PRKAR1B: variants seen among roughly 807,000 people sequenced by gnomAD.
PRKAR1B encodes the protein cAMP-dependent protein kinase type I-beta regulatory subunit.
In PRKAR1B, 22 loss-of-function variants were observed where a neutral mutation model predicts 46.5. The observed-to-expected ratio is 0.47, with a 90% CI of 0.34 to 0.68. PRKAR1B has a LOEUF of 0.68. Among genes scored for constraint, PRKAR1B ranks in the 30% least tolerant of loss-of-function variants. PRKAR1B has a pLI of 0.01. For missense variants in PRKAR1B, 445 were observed against 535.6 expected (o/e 0.83, Z 1.67); for synonymous variants, 259 against 217.7 (o/e 1.19, Z -1.67).
At chr7:589,855 C>T (rs1165861150) in intron 7 of PRKAR1B, among the ~76,000 whole-genome samples, 1 of 152,242 alleles carries the variant, frequency 6.6e-6, no homozygotes, top group Non-Finnish European at 1.5e-5. Flanking sequence ...GAGCATGCAA[C>T]GTGCCCAGGC....
chr7:680,404 C>G, intron 3 of PRKAR1B, 152 bp downstream of exon 3: 1 of 792,276 alleles, frequency 1.3e-6, no homozygotes, highest in South Asian at 2.0e-5. Flanking sequence ...CCAGAACTGC[C>G]TCTGCCATCA....
intron 4 of PRKAR1B, among the ~76,000 whole-genome samples, chr7:619,873 C>T (rs1032547981): frequency 6.6e-6 from 1 of 152,158 alleles, no homozygotes; most frequent in African/African-American, 2.4e-5. Context: ...TTTTTAGAGA[C>T]AAGGTCTCAC....
intron 7 of PRKAR1B, among the ~76,000 whole-genome samples, chr7:587,488 T>C (rs1381754826): frequency 6.6e-6 from 1 of 152,230 alleles, no homozygotes; most frequent in Non-Finnish European, 1.5e-5. Context: ...TGGCCCCGCC[T>C]CCAGGGCCTG....
chr7:630,739 G>A (rs1436006963), intron 4 of PRKAR1B, among the ~76,000 whole-genome samples: 2 of 152,064 alleles, frequency 1.3e-5, no homozygotes, highest in Non-Finnish European at 2.9e-5. Context: ...CTCAGGACCA[G>A]GGAGACAGAC....
In PRKAR1B at chr7:711,405, C is replaced by A. The variant is rs530392908; in HGVS notation, c.101G>T (p.Cys34Phe). The change falls in exon 2 of 11, where the codon TGT becomes TTT. Residue 34 changes from cysteine to phenylalanine, a missense_variant. By Grantham distance (205) the Cys-to-Phe change is radical. This residue lies in a region of PRKAR1B where 155 missense variants were observed against 127.5 expected (regional missense o/e 1.22). Coordinates refer to ENST00000537384, the MANE Select transcript of PRKAR1B (RefSeq NM_001164760.2). ...CTTGGAGATGCAGAGGTGGACGATA[C>A]AGTCTTTGAGGACCTGCTGGATCCC... ...LHGIQQVLKD[C>F]IVHLCISKPE... The A allele has an allele frequency of 1.9e-6, 3 of 1,614,228 alleles. No homozygotes were observed. The Admixed American group carries it at 5.0e-5, about 27-fold the overall frequency.
intron 1 of PRKAR1B, among the ~76,000 whole-genome samples, chr7:724,069 G>T (rs1250352362): frequency 6.6e-6 from 1 of 152,168 alleles, no homozygotes; most frequent in Non-Finnish European, 1.5e-5. Context: ...CAAAGACCTT[G>T]TCTCCAAACA....
intron 1 of PRKAR1B, among the ~76,000 whole-genome samples, chr7:719,671 G>C (rs1056552576): frequency 6.6e-6 from 1 of 152,060 alleles, no homozygotes; most frequent in African/African-American, 2.4e-5. Flanking sequence ...CAGTGTGTCT[G>C]GGGAAAGAAG....
At chr7:592,315 GTCC>G (rs1336664117) in intron 7 of PRKAR1B, among the ~76,000 whole-genome samples, 1 of 152,230 alleles carries the variant, frequency 6.6e-6, no homozygotes, top group African/African-American at 2.4e-5. Context: ...CCTTAGCAGC[GTCC>G]TCGAGGCTAC....
intron 2 of PRKAR1B, among the ~76,000 whole-genome samples, chr7:684,528 G>A (rs1279794844): frequency 2.0e-5 from 3 of 152,170 alleles, no homozygotes; most frequent in Non-Finnish European, 2.9e-5. Flanking sequence ...ACATTCAGAC[G>A]AAGTACGCAG....
intron 8 of PRKAR1B, among the ~76,000 whole-genome samples, chr7:583,087 GGGACGGGGCTCTGTCTCGGGTGA>G (rs759637284): frequency 1.1e-4 from 16 of 152,046 alleles, no homozygotes; most frequent in Non-Finnish European, 1.9e-4. Context: ...ACGGCTCACA[GGGACGGGGCTCTGTCTCGGGTGA>G]GGACGGGGCT....
chr7:675,203 C>T (rs747158117), intron 4 of PRKAR1B, among the ~76,000 whole-genome samples: 3 of 152,220 alleles, frequency 2.0e-5, no homozygotes, highest in Non-Finnish European at 4.4e-5. Flanking sequence ...GAACGCTGTG[C>T]AGATACGCAC....
chr7:600,776 C>A (rs531841300), intron 6 of PRKAR1B, among the ~76,000 whole-genome samples: 6 of 152,180 alleles, frequency 3.9e-5, no homozygotes, highest in Non-Finnish European at 5.9e-5. Context: ...AAGAGTCGAG[C>A]CCCAAACAGG....
At chr7:679,949 G>A (rs1327648211) in intron 3 of PRKAR1B, among the ~76,000 whole-genome samples, 1 of 152,110 alleles carries the variant, frequency 6.6e-6, no homozygotes, top group Non-Finnish European at 1.5e-5. Context: ...ACAAGGTCAG[G>A]AGATTGAGAC....
rs1780635886 is a variant in PRKAR1B, at chr7:711,609, G to A, written c.-22-82C>T. The A allele has an allele frequency of 1.7e-5, 21 of 1,268,660 alleles. No homozygotes were observed. The South Asian group carries it at 2.7e-4, about 16-fold the overall frequency. 78.6% of individuals were successfully genotyped at this position (1,268,660 alleles called of 1,614,324 possible). A position where few individuals can be genotyped will look rare whatever the true frequency, so the allele number is the denominator to read the frequency against. ...GATAAACGCAGGCGGCGTGAACCAG[G>A]CTTCTCCCAGGAGCGTGGAAGAAAG... On this transcript the variant is annotated intron_variant, in intron 1 of 10. Transcript: ENST00000537384.
chr7:693,565 G>A (rs1209455619), intron 2 of PRKAR1B, among the ~76,000 whole-genome samples: 3 of 152,218 alleles, frequency 2.0e-5, no homozygotes, highest in African/African-American at 7.2e-5. Context: ...CGTCCGCGCT[G>A]TGCTGCGTGT....
chr7:588,409 T>C (rs541791258), intron 7 of PRKAR1B, among the ~76,000 whole-genome samples: 8 of 152,360 alleles, frequency 5.3e-5, no homozygotes, highest in African/African-American at 1.4e-4. Context: ...CTGCTAATGG[T>C]GATGGTGGTG....
At chr7:617,878 T>C (rs893699706) in intron 4 of PRKAR1B, among the ~76,000 whole-genome samples, 1 of 152,180 alleles carries the variant, frequency 6.6e-6, no homozygotes, top group Non-Finnish European at 1.5e-5. Context: ...GGCAAAGGGC[T>C]GTATGGGAAA....
intron 1 of PRKAR1B, chr7:726,990 G>C (rs1301538139): frequency 2.4e-6 from 3 of 1,267,994 alleles, no homozygotes; most frequent in Non-Finnish European, 3.0e-6. Flanking sequence ...ACCCCGCCGA[G>C]GGCTGCCGCG....
upstream of PRKAR1B, chr7:727,481 C>G (rs1160633693): frequency 2.6e-5 from 8 of 309,424 alleles, no homozygotes; most frequent in East Asian, 3.5e-4. Context: ...CCCGCCTGCC[C>G]CAAAGCACCC....
Sources: allele counts gnomAD v4.1 joint callset (sites outside exome capture counted in the v4.1 genomes callset), GRCh38; gene constraint gnomAD v4.1.1; regional missense constraint gnomAD v4.1.1; transcripts MANE v1.5; gene names NCBI Gene and HGNC (gene_info 2026-07-23, HGNC 2026-07-21).